The following VPS13D variants were observed in gnomAD, a reference collection of about 807,000 sequenced individuals.
VPS13D encodes the protein vacuolar protein sorting 13 homolog D.
A neutral mutation model predicts 461.9 loss-of-function variants in VPS13D; 187 were observed. That is an observed-to-expected ratio of 0.40 (90% CI 0.36 to 0.46). The LOEUF is 0.46. Among genes scored for constraint, VPS13D ranks in the 20% least tolerant of loss-of-function variants. The pLI is 0.60. For missense variants in VPS13D, 4,711 were observed against 5,364.9 expected, an observed-to-expected ratio of 0.88 and a Z score of 3.81; for synonymous variants, 1,951 against 1,986.3, an observed-to-expected ratio of 0.98 and a Z score of 0.47.
intron 24 of VPS13D, among the ~76,000 whole-genome samples, chr1:12,298,355 T>C (rs1642331776): frequency 6.6e-6 from 1 of 152,130 alleles, no homozygotes; most frequent in South Asian, 2.1e-4. Flanking sequence ...AAAGAGGATA[T>C]GTTCTGGGCT....
rs1188955392 is a variant in VPS13D, at chr1:12,282,779, T to A, written c.4677T>A (p.Asn1559Lys). 7 of 1,614,154 alleles carry A rather than the reference T, an allele frequency of 4.3e-6. 1 individual carries two copies. The South Asian group carries it at 7.7e-5, about 18-fold the overall frequency. Residue 1559 changes from asparagine to lysine, a missense_variant, in exon 21 of 70, where the codon AAT (asparagine) becomes AAA (lysine). By Grantham distance (94) the Asn-to-Lys change is moderately conservative. Coordinates refer to ENST00000620676, the MANE Select transcript of VPS13D (RefSeq NM_015378.4). ...ATCTCGTGTACAGTGAAGATCTGAA[T>A]AAGTATCCAGCCAGTGCTACCTCCT... ...LDNLVYSEDL[N>K]KYPASATSSP...
At chr1:12,431,116 G>C (rs560207470) in intron 65 of VPS13D, among the ~76,000 whole-genome samples, 3 of 152,158 alleles carry the variant, frequency 2.0e-5, no homozygotes, top group Non-Finnish European at 4.4e-5. Flanking sequence ...TTGGTGAGAA[G>C]CCTAGTTTTA....
At position 12,261,124 on chromosome 1, in the gene VPS13D, G is replaced by A. The variant is rs148103991; in HGVS notation, c.1389G>A (p.Glu463=). Residue 463 remains glutamate (E), a synonymous_variant, in exon 12 of 70, where the codon GAG becomes GAA. Transcript: ENST00000620676. ...AGGGACTGTCAGCAGAGCAACAGGAGCAGTGGATTCCTGAAGAGATCCTGG... is the reference window on the plus strand; with the variant it reads ...AGGGACTGTCAGCAGAGCAACAGGAACAGTGGATTCCTGAAGAGATCCTGG... ...VVEGLSAEQQ[E]QWIPEEILGT... is the part of the protein sequence containing the mutation. 32 of 1,614,228 alleles carry A rather than the reference G, an allele frequency of 2.0e-5. No homozygotes were observed. Among genetic ancestry groups the A allele is most frequent in the African/African-American group, 1.2e-4 (9 of 75,064 alleles).
At position 12,275,963 on chromosome 1, in the gene VPS13D, C is replaced by T; in HGVS notation, c.2375C>T (p.Pro792Leu). ...AGCAGCAGCAACGGAGAGAAAACACCTCCCTTTTCTGGAGTTGAGTTCAGT... is the reference window on the plus strand; with the variant it reads ...AGCAGCAGCAACGGAGAGAAAACACTTCCCTTTTCTGGAGTTGAGTTCAGT... The part of the protein sequence containing the change: ...ESSSSNGEKT[P>L]PFSGVEFSEE... The change falls in exon 19 of 70, where the codon CCT becomes CTT. Residue 792 changes from proline (P) to leucine (L), a missense_variant. Physicochemically the swap from Pro to Leu is moderately conservative, Grantham distance 98 (BLOSUM62 -3). Transcript: ENST00000620676. 6.2e-7 allele frequency: 1 copy of T among 1,614,028 alleles called. No homozygotes were observed. Among genetic ancestry groups the T allele is most frequent in the South Asian group, 1.1e-5 (1 of 91,074 alleles).
At chr1:12,338,737 GA>G (rs1219266213) in intron 40 of VPS13D, among the ~76,000 whole-genome samples, 2 of 151,838 alleles carry the variant, frequency 1.3e-5, no homozygotes, top group African/African-American at 2.4e-5. Context: ...AGGGATAGCG[GA>G]AAAAAAATTC....
At chr1:12,238,271 A>G (rs1335613288) in intron 2 of VPS13D, among the ~76,000 whole-genome samples, 1 of 140,966 alleles carries the variant, frequency 7.1e-6, no homozygotes, top group African/African-American at 2.6e-5. Context: ...CCCCCAAAAT[A>G]CATACATATA....
At chr1:12,362,940 G>A in intron 51 of VPS13D, 90 bp downstream of exon 51, 7 of 1,590,350 alleles carry the variant, frequency 4.4e-6, no homozygotes, top group Non-Finnish European at 6.0e-6. Context: ...GTTCTGTGAT[G>A]CAAGTAACTG....
At chr1:12,448,730 A>C (rs114030109) in intron 65 of VPS13D, among the ~76,000 whole-genome samples, 1 of 152,344 alleles carries the variant, frequency 6.6e-6, no homozygotes, top group East Asian at 1.9e-4. Context: ...ACCTGTGTAC[A>C]TCCTGCTTAT....
chr1:12,455,936 T>C (rs1365738785), intron 65 of VPS13D, 62 bp from the exon 66 acceptor site: 3 of 1,528,676 alleles, frequency 2.0e-6, no homozygotes, highest in Non-Finnish European at 2.6e-6. Context: ...TTTAAAGTAA[T>C]TCAAATAGTA....
rs753719439 is a variant in VPS13D at position 12,322,671 on chromosome 1, A to C, written c.7840A>C (p.Thr2614Pro). The change falls in exon 34 of 70, where the codon ACT (threonine) becomes CCT (proline). Residue 2614 changes from threonine (T) to proline (P), a missense_variant. By Grantham distance (38) the Thr-to-Pro change is conservative. Around this residue, in one of 3 missense-constraint regions of VPS13D, gnomAD observed 4,411 missense variants for 4,937.8 expected, o/e 0.89. Transcript: ENST00000620676. ...SVALESDSVG[T>P]YLPGASRVGE... ...GGCCCTGGAGTCAGACTCCGTTGGCACTTACCTTCCAGGTGCATCTCGCGT... is the reference window on the plus strand; with the variant it reads ...GGCCCTGGAGTCAGACTCCGTTGGCCCTTACCTTCCAGGTGCATCTCGCGT... 5 of 1,614,142 alleles carry C rather than the reference A, an allele frequency of 3.1e-6. No individual in the cohort carries two copies. Among genetic ancestry groups the C allele is most frequent in the Admixed American group, 1.7e-5 (1 of 60,012 alleles).
intron 57 of VPS13D, among the ~76,000 whole-genome samples, chr1:12,379,991 G>T (rs568421143): frequency 6.6e-6 from 1 of 152,022 alleles, no homozygotes; most frequent in South Asian, 2.1e-4. Context: ...GGATGGTCTC[G>T]ATCTCCTAAC....
intron 65 of VPS13D, among the ~76,000 whole-genome samples, chr1:12,443,639 C>T (rs1243888262): frequency 6.6e-6 from 1 of 151,870 alleles, no homozygotes; most frequent in Non-Finnish European, 1.5e-5. Context: ...TATTTTAGTT[C>T]TACTTACATT....
At chr1:12,476,070 G>A (rs1033525132) in intron 67 of VPS13D, among the ~76,000 whole-genome samples, 1 of 152,174 alleles carries the variant, frequency 6.6e-6, no homozygotes, top group African/African-American at 2.4e-5. Context: ...CACATAGCTC[G>A]TGGAACAGGC....
intron 21 of VPS13D, among the ~76,000 whole-genome samples, chr1:12,287,195 G>A (rs961926753): frequency 4.6e-5 from 7 of 152,070 alleles, no homozygotes; most frequent in African/African-American, 1.7e-4. Context: ...TGATGATCTC[G>A]CCTTGAGATT....
At chr1:12,408,483 C>T (rs1450742844) in intron 63 of VPS13D, among the ~76,000 whole-genome samples, 7 of 152,208 alleles carry the variant, frequency 4.6e-5, no homozygotes, top group African/African-American at 1.7e-4. Flanking sequence ...CTCACCTCAG[C>T]ATCCCAGGTA....
intron 67 of VPS13D, chr1:12,465,371 T>C (rs553663626): frequency 6.6e-6 from 1 of 152,320 alleles, no homozygotes; most frequent in South Asian, 2.1e-4. Flanking sequence ...ACTTGAAATA[T>C]TTAAACTAAT....
intron 58 of VPS13D, 149 bp downstream of exon 58, chr1:12,383,304 A>C: frequency 2.4e-6 from 2 of 828,430 alleles, no homozygotes; most frequent in Non-Finnish European, 3.5e-6. Context: ...GATCTACCTC[A>C]CAAAGTTGTT....
At position 12,495,952 on chromosome 1, in the gene VPS13D, G is replaced by C. The variant is rs545951831; in HGVS notation, c.12663-1548G>C. Among the ~76,000 whole-genome samples the C allele has an allele frequency of 6.6e-6, 1 of 152,146 alleles. No individual in the cohort carries two copies. Among genetic ancestry groups the C allele is most frequent in the Non-Finnish European group, 1.5e-5 (1 of 68,028 alleles). On this transcript the variant is annotated intron_variant, in intron 67 of 69. Transcript: ENST00000620676. This position sits in a 1 kb window ranked among gnomAD's most constrained non-coding sequence, Gnocchi z 4.0. ...CTGCAGAGGTTACCAGCATCCTCTC[G>C]GCAGCAGTCGTCCAGCTTCTCTCCT... is the stretch of plus-strand genomic sequence containing the variant.
At chr1:12,491,462 G>T (rs1371845937) in intron 67 of VPS13D, among the ~76,000 whole-genome samples, 1 of 152,200 alleles carries the variant, frequency 6.6e-6, no homozygotes, top group Non-Finnish European at 1.5e-5. Flanking sequence ...TTAATGCCTG[G>T]CTAAATGTTG....
Sources: allele counts gnomAD v4.1 joint callset (sites outside exome capture counted in the v4.1 genomes callset), GRCh38; gene constraint gnomAD v4.1.1; regional missense constraint gnomAD v4.1.1; non-coding constraint Gnocchi (gnomAD v3.1); transcripts MANE v1.5; gene names NCBI Gene and HGNC (gene_info 2026-07-23, HGNC 2026-07-21).